CDK7: variants seen among roughly 807,000 people sequenced by gnomAD.
CDK7 encodes cyclin-dependent kinase 7.
CDK7 carries 25 observed loss-of-function variants against 49.1 expected under a neutral mutation model. The observed-to-expected ratio is 0.51, with a 90% CI of 0.37 to 0.71. The LOEUF (loss-of-function observed/expected upper bound fraction) is 0.71. Ranked by LOEUF, CDK7 falls within the 30% of genes least tolerant of loss-of-function variation. The pLI, the probability that CDK7 is intolerant of heterozygous loss-of-function variation, is 0.00. For missense variants in CDK7, 316 were observed against 411.7 expected, an observed-to-expected ratio of 0.77 and a Z score of 2.01; for synonymous variants, 107 against 140.0, an observed-to-expected ratio of 0.76 and a Z score of 1.67.
chr5:69,238,210 A>G (rs1357610540), intron 2 of CDK7, among the ~76,000 whole-genome samples: 1 of 151,768 alleles, frequency 6.6e-6, no homozygotes, highest in Non-Finnish European at 1.5e-5. Context: ...CTTTTGGGTT[A>G]TATCTCATTT....
At position 69,262,199 on chromosome 5, in the gene CDK7, C is replaced by A. The variant is rs55751300; in HGVS notation, c.528-6C>A. ...TAAAATGATACTAATTCTTTTTGTT[C>A]TTTAGGTGGTATCGGGCCCCCGAGT... is the stretch of plus-strand genomic sequence containing the variant. On this transcript the variant is annotated splice_polypyrimidine_tract_variant and splice_region_variant and intron_variant, in intron 7 of 11. Transcript: ENST00000256443. 0.013 allele frequency: 21,306 copies of A among 1,612,974 alleles called. 258 individuals carry two copies. The highest frequency in any genetic ancestry group is 0.014 in the Non-Finnish European group (16,402 of 1,179,812).
intron 2 of CDK7, among the ~76,000 whole-genome samples, chr5:69,238,806 C>T (rs1361649291): frequency 6.6e-6 from 1 of 150,456 alleles, no homozygotes; most frequent in African/African-American, 2.4e-5. Flanking sequence ...AACTGATCTG[C>T]CCACCTCGGC....
intron 8 of CDK7, 31 bp downstream of exon 8, chr5:69,262,335 ATTG>A (rs758216275): frequency 7.6e-5 from 123 of 1,613,568 alleles, no homozygotes; most frequent in Non-Finnish European, 1.0e-4. Context: ...GCACTTTAAT[ATTG>A]TTGTTGCAGT....
chr5:69,245,205 A>T (rs1217023742), intron 2 of CDK7, among the ~76,000 whole-genome samples: 1 of 151,840 alleles, frequency 6.6e-6, no homozygotes, highest in African/African-American at 2.4e-5. Context: ...TGAGTTTGGA[A>T]GTATTTACTT....
At chr5:69,241,135 T>G (rs529550018) in intron 2 of CDK7, among the ~76,000 whole-genome samples, 1 of 152,164 alleles carries the variant, frequency 6.6e-6, no homozygotes, top group East Asian at 1.9e-4. Context: ...GATAGTTCTA[T>G]TTTTAGTTTT....
At chr5:69,269,112 C>G in intron 8 of CDK7, 95 bp from the exon 9 acceptor site, 1 of 726,814 alleles carries the variant, frequency 1.4e-6, no homozygotes, top group Admixed American at 2.6e-5. Context: ...TCACTGCAGC[C>G]TGGGTGACAG....
In CDK7 at chr5:69,243,826, GTTTTTTTTTTTTTTT is replaced by G. The variant is rs747576681; in HGVS notation, c.126+8383_126+8397del. On this transcript the variant is annotated intron_variant, in intron 2 of 11. Coordinates refer to ENST00000256443, the MANE Select transcript of CDK7 (RefSeq NM_001799.4). ...TCAATTTCTTTCACCAATGATAGTT[GTTTTTTTTTTTTTTT>G]TTTTTTTTTGAGATGGAGTCTCGCA... Among the ~76,000 whole-genome samples the G allele has an allele frequency of 6.0e-5, 4 of 66,394 alleles. No homozygotes were observed. In the Admixed American group the frequency reaches 7.5e-4, roughly 12 times the overall value. The allele number at this position is 66,394 out of a possible 152,430, so 43.6% of individuals were successfully genotyped here.
rs188411904 is a variant in CDK7 at position 69,268,317 on chromosome 5, G to A, written c.628-890G>A. ...GCTTACCACCTCCACCTAAGGGGAG[G>A]GCAGGGAATGTCTCGTTTTCCTCTT... On this transcript the variant is annotated intron_variant, in intron 8 of 11. Coordinates refer to ENST00000256443, the MANE Select transcript of CDK7 (RefSeq NM_001799.4). Among the ~76,000 whole-genome samples the A allele has an allele frequency of 2.8e-3, 433 of 152,210 alleles. 2 individuals are homozygous for A. The highest frequency in any genetic ancestry group is 4.2e-3 in the Non-Finnish European group (288 of 68,014).
At chr5:69,236,133 C>T (rs546623388) in intron 2 of CDK7, among the ~76,000 whole-genome samples, 3 of 151,556 alleles carry the variant, frequency 2.0e-5, no homozygotes, top group South Asian at 2.1e-4. Flanking sequence ...CCCAGCTACT[C>T]GGGAGGCTGA....
chr5:69,262,622 T>C (rs1340154904), intron 8 of CDK7, among the ~76,000 whole-genome samples: 2 of 150,712 alleles, frequency 1.3e-5, no homozygotes, highest in Non-Finnish European at 2.9e-5. Context: ...TGAGCCAAGA[T>C]TGTGCCACTG....
At chr5:69,262,361 C>T (rs1750883933) in intron 8 of CDK7, 57 bp downstream of exon 8, 2 of 1,610,940 alleles carry the variant, frequency 1.2e-6, no homozygotes, top group South Asian at 1.1e-5. Flanking sequence ...TTTGTTCTGA[C>T]AGTTTGTATA....
intron 2 of CDK7, among the ~76,000 whole-genome samples, chr5:69,236,062 G>A (rs944921804): frequency 2.6e-5 from 4 of 152,106 alleles, no homozygotes; most frequent in Admixed American, 1.3e-4. Flanking sequence ...CCAACATGGT[G>A]AAACCCTGTC....
chr5:69,242,811 G>A (rs753154111), intron 2 of CDK7, among the ~76,000 whole-genome samples: 4 of 152,080 alleles, frequency 2.6e-5, no homozygotes, highest in Admixed American at 1.3e-4. Context: ...TTTGGGAGGC[G>A]GAGGCAGGCG....
In CDK7 at chr5:69,246,708, G is replaced by T. The variant is rs867070086; in HGVS notation, c.127-5710G>T. Among the ~76,000 whole-genome samples, 156 of 141,414 alleles carry T rather than the reference G, an allele frequency of 1.1e-3. 2 individuals carry two copies. The highest frequency in any genetic ancestry group is 3.6e-3 in the African/African-American group (143 of 39,326). 92.8% of individuals were successfully genotyped at this position (141,414 alleles called of 152,430 possible). A position where few individuals can be genotyped will look rare whatever the true frequency, so the allele number is the denominator to read the frequency against. On this transcript the variant is annotated intron_variant, in intron 2 of 11. Coordinates refer to ENST00000256443, the MANE Select transcript of CDK7 (RefSeq NM_001799.4). ...TGTTTATTTGAAGGTTTTGTTTTTG[G>T]TTTTTTTTTTTCATGTAGGCAGTTA...
At chr5:69,257,958 C>G in intron 5 of CDK7, 85 bp from the exon 6 acceptor site, 1 of 748,318 alleles carries the variant, frequency 1.3e-6, no homozygotes, top group East Asian at 2.7e-5. Flanking sequence ...TTGATACTTA[C>G]ATTTTAAGTC....
chr5:69,241,627 A>C (rs543430789), intron 2 of CDK7, among the ~76,000 whole-genome samples: 2 of 152,006 alleles, frequency 1.3e-5, no homozygotes, highest in African/African-American at 4.8e-5. Context: ...CCCGGCCCTC[A>C]TTGTAGTTTT....
chr5:69,250,726 C>G (rs139129004), intron 2 of CDK7: 7 of 456,654 alleles, frequency 1.5e-5, no homozygotes, highest in African/African-American at 1.0e-4. Flanking sequence ...TTACTCTTCC[C>G]TCTCATTTTC....
rs1396100976 is a variant in CDK7 at position 69,242,391 on chromosome 5, AC to A, written c.126+6940del. Among the ~76,000 whole-genome samples, 3 of 152,252 alleles carry A rather than the reference AC, an allele frequency of 2.0e-5. No individual in the cohort carries two copies. The East Asian group carries it at 5.8e-4, about 29-fold the overall frequency. On this transcript the variant is annotated intron_variant, in intron 2 of 11. Coordinates refer to ENST00000256443, the MANE Select transcript of CDK7 (RefSeq NM_001799.4). ...TCAGTTCCTAAGTAGTGGTCACAGA[AC>A]CAGTTGAGTCAGTTTCTTCATATGG...
chr5:69,277,051 G>A, intron 11 of CDK7, 56 bp from the exon 12 acceptor site: 2 of 1,461,298 alleles, frequency 1.4e-6, no homozygotes, highest in Admixed American at 2.1e-5. Context: ...CTATGAGAAT[G>A]TGAACTTTGT....
Sources: allele counts gnomAD v4.1 joint callset (sites outside exome capture counted in the v4.1 genomes callset), GRCh38; gene constraint gnomAD v4.1.1; transcripts MANE v1.5; gene names NCBI Gene and HGNC (gene_info 2026-07-23, HGNC 2026-07-21).